Variants in CYLD observed in about 807,000 individuals in gnomAD.
The protein encoded by CYLD is CYLD lysine 63 deubiquitinase.
CYLD carries 26 observed loss-of-function variants against 104.5 expected under a neutral mutation model. The ratio of observed to expected loss-of-function variants is 0.25; its 90% confidence interval spans 0.18 to 0.35. The LOEUF (loss-of-function observed/expected upper bound fraction) is 0.35, where lower values mean the gene tolerates loss of function less well. Ranked by LOEUF, CYLD falls within the 10% of genes least tolerant of loss-of-function variation. The probability of loss-of-function intolerance (pLI) is 1.00; values close to 1 mark genes in which losing one functional copy is unlikely to be tolerated. For synonymous variants in CYLD, 385 were observed against 399.9 expected (o/e 0.96, Z 0.45); for missense variants, 703 against 1,136.1 (o/e 0.62, Z 5.48).
At chr16:50,762,720 C>A (rs1968089917) in intron 5 of CYLD, among the ~76,000 whole-genome samples, 1 of 152,094 alleles carries the variant, frequency 6.6e-6, no homozygotes, top group Middle Eastern at 3.2e-3. Context: ...ATATATAAAC[C>A]TTGTGTATCC....
Position 50,799,842 on chromosome 16 carries a change from A to G in CYLD, c.*3334A>G, listed in dbSNP as rs1368995198. The G allele has an allele frequency of 4.3e-6, 1 of 233,068 alleles. No homozygotes were observed. Among genetic ancestry groups the G allele is most frequent in the Admixed American group, 5.6e-5 (1 of 17,760 alleles). The allele number at this position is 233,068 out of a possible 1,614,324, so 14.4% of individuals were successfully genotyped here. A position where few individuals can be genotyped will look rare whatever the true frequency, so the allele number is the denominator to read the frequency against. On this transcript the variant is annotated 3_prime_UTR_variant, in exon 19 of 19. Transcript: ENST00000427738. ...TTGTAGACTGAGATGTGAGTGGAGGATAAAGTATTAGACTTTTGCTGAGTA... is the reference window on the plus strand; with the variant it reads ...TTGTAGACTGAGATGTGAGTGGAGGGTAAAGTATTAGACTTTTGCTGAGTA...
Position 50,799,266 on chromosome 16 carries a change from T to A in CYLD, c.*2758T>A, listed in dbSNP as rs1197253039. On this transcript the variant is annotated 3_prime_UTR_variant, in exon 19 of 19. Coordinates refer to ENST00000427738, the MANE Select transcript of CYLD (RefSeq NM_001378743.1). ...ATTACAAGTAGAAAATATGTCATGT[T>A]CCTCACCTCCAAATAAATATGTGTG... is the stretch of plus-strand genomic sequence containing the variant. The A allele has an allele frequency of 8.6e-6, 2 of 233,284 alleles. No individual in the cohort carries two copies. The highest frequency in any genetic ancestry group is 4.4e-5 in the African/African-American group (2 of 45,340). 14.5% of individuals were successfully genotyped at this position (233,284 alleles called of 1,614,324 possible). A position where few individuals can be genotyped will look rare whatever the true frequency, so the allele number is the denominator to read the frequency against.
chr16:50,748,215 C>A (rs532368015), intron 2 of CYLD, among the ~76,000 whole-genome samples: 10 of 152,234 alleles, frequency 6.6e-5, no homozygotes, highest in South Asian at 2.1e-4. Context: ...AACCAGATAG[C>A]CACATTCTTA....
intron 2 of CYLD, among the ~76,000 whole-genome samples, chr16:50,748,380 C>A (rs1435384369): frequency 1.3e-5 from 2 of 151,984 alleles, no homozygotes; most frequent in Non-Finnish European, 2.9e-5. Flanking sequence ...GATTATTATT[C>A]TTGTAAAAAT....
intron 5 of CYLD, among the ~76,000 whole-genome samples, chr16:50,764,921 G>A (rs1968331866): frequency 6.6e-6 from 1 of 152,160 alleles, no homozygotes; most frequent in African/African-American, 2.4e-5. Context: ...TAGGAGTTAT[G>A]CTCATTTTAT....
chr16:50,770,605 C>T (rs1969042346), intron 5 of CYLD, among the ~76,000 whole-genome samples: 2 of 151,854 alleles, frequency 1.3e-5, no homozygotes, highest in South Asian at 2.1e-4. Context: ...TGTGCGCCCC[C>T]GAGCCCAGCT....
At chr16:50,789,008 T>C (rs1971145419) in intron 14 of CYLD, among the ~76,000 whole-genome samples, 1 of 152,214 alleles carries the variant, frequency 6.6e-6, no homozygotes, top group Non-Finnish European at 1.5e-5. Context: ...GATCTTAACA[T>C]ACTTCAGGAA....
At chr16:50,751,426 A>G (rs1966608282) in intron 3 of CYLD, among the ~76,000 whole-genome samples, 178 bp from the exon 4 acceptor site, 1 of 152,224 alleles carries the variant, frequency 6.6e-6, no homozygotes, top group African/African-American at 2.4e-5. Flanking sequence ...ATCAGATACA[A>G]CTTCTTATTT....
chr16:50,755,172 T>C (rs1378074092), intron 5 of CYLD, among the ~76,000 whole-genome samples: 5 of 32,136 alleles, frequency 1.6e-4, no homozygotes, highest in African/African-American at 9.4e-4. Flanking sequence ...CGTGTACATA[T>C]GTGTGTGTAT....
intron 4 of CYLD, among the ~76,000 whole-genome samples, chr16:50,753,337 A>G (rs1035449579): frequency 2.6e-5 from 4 of 152,204 alleles, no homozygotes; most frequent in Non-Finnish European, 2.9e-5. Flanking sequence ...AAAGAGGGCC[A>G]CTGGTCATTG....
At chr16:50,744,876 C>T (rs568347926) in intron 2 of CYLD, 2 of 152,288 alleles carry the variant, frequency 1.3e-5, no homozygotes, top group African/African-American at 4.8e-5. Flanking sequence ...AGTAAGTTCC[C>T]CTTTACTCAG....
chr16:50,786,803 T>C, intron 12 of CYLD, 52 bp from the exon 13 acceptor site: 1 of 1,238,170 alleles, frequency 8.1e-7, no homozygotes, highest in East Asian at 2.3e-5. Context: ...TTAAGATGTG[T>C]TATATAATTT....
At chr16:50,787,364 C>G (rs1215836884) in intron 13 of CYLD, 5 of 272,696 alleles carry the variant, frequency 1.8e-5, no homozygotes, top group Non-Finnish European at 1.4e-5. Flanking sequence ...GTTATAATCT[C>G]TTCCTAGCTA....
chr16:50,746,787 A>G (rs1336619576), intron 2 of CYLD, among the ~76,000 whole-genome samples: 1 of 151,630 alleles, frequency 6.6e-6, no homozygotes, highest in Non-Finnish European at 1.5e-5. Context: ...CTTATAATCA[A>G]ATTTATTTAA....
At chr16:50,742,908 G>T (rs1366033019) in intron 2 of CYLD, 67 bp downstream of exon 2, 1 of 370,212 alleles carries the variant, frequency 2.7e-6, no homozygotes, top group African/African-American at 2.1e-5. Flanking sequence ...ATGGGGGGCG[G>T]GGGCGAAGTC....
intron 14 of CYLD, among the ~76,000 whole-genome samples, chr16:50,788,148 A>G (rs988662645): frequency 6.6e-6 from 1 of 152,200 alleles, no homozygotes; most frequent in Non-Finnish European, 1.5e-5. Flanking sequence ...CATAATTTCA[A>G]TTAATGAACC....
chr16:50,750,109 T>C lies in CYLD; in HGVS notation c.411T>C (p.Ser137=). The part of the protein sequence containing the change: ...VGCPVKVQLR[S]GEEKFPGVVR... ...GTCCTGTGAAAGTACAGCTGAGATC[T>C]GGGGAAGAAAAATTTCCTGGAGTTG... The change falls in exon 3 of 19, where the codon TCT becomes TCC. Residue 137 remains serine, a synonymous_variant. Coordinates refer to ENST00000427738, the MANE Select transcript of CYLD (RefSeq NM_001378743.1). The C allele has an allele frequency of 6.2e-7, 1 of 1,614,110 alleles. No homozygotes were observed. The highest frequency in any genetic ancestry group is 1.3e-5 in the African/African-American group (1 of 75,036).
chr16:50,766,151 G>T (rs1313660462), intron 5 of CYLD, among the ~76,000 whole-genome samples: 4 of 152,202 alleles, frequency 2.6e-5, no homozygotes, highest in Non-Finnish European at 5.9e-5. Flanking sequence ...AGCTTCAAAG[G>T]ATAGGCTGAC....
intron 11 of CYLD, 58 bp downstream of exon 11, chr16:50,782,524 C>CA: frequency 6.6e-7 from 1 of 1,508,640 alleles, no homozygotes; most frequent in South Asian, 1.1e-5. Flanking sequence ...GGACACATAC[C>CA]GGTGTGTGTG....
Sources: allele counts gnomAD v4.1 joint callset (sites outside exome capture counted in the v4.1 genomes callset), GRCh38; gene constraint gnomAD v4.1.1; transcripts MANE v1.5; gene names NCBI Gene and HGNC (gene_info 2026-07-23, HGNC 2026-07-21).